The following AGMO variants were observed in gnomAD, a reference collection of about 807,000 sequenced individuals.
The protein encoded by AGMO is glyceryl-ether monooxygenase.
A neutral mutation model predicts 60.2 loss-of-function variants in AGMO; 75 were observed. The observed-to-expected ratio is 1.25, with a 90% CI of 1.03 to 1.51. AGMO has a LOEUF of 1.51. AGMO is among the 40% of genes most tolerant of loss of function. The probability of loss-of-function intolerance (pLI) is 0.00; values close to 1 mark genes in which losing one functional copy is unlikely to be tolerated. For missense variants in AGMO, 763 were observed against 525.5 expected (o/e 1.45, Z -4.42); for synonymous variants, 261 against 177.1 (o/e 1.47, Z -3.76).
intron 12 of AGMO, among the ~76,000 whole-genome samples, chr7:15,264,985 C>A (rs1057411432): frequency 6.6e-6 from 1 of 151,944 alleles, no homozygotes; most frequent in African/African-American, 2.4e-5. Context: ...TGCACTCTTA[C>A]GTTCATTGCA....
intron 5 of AGMO, among the ~76,000 whole-genome samples, chr7:15,414,020 T>C (rs1183391343): frequency 6.6e-6 from 1 of 152,112 alleles, no homozygotes; most frequent in Non-Finnish European, 1.5e-5. Flanking sequence ...TTTTTTATTA[T>C]TTTTTTAGAC....
At chr7:15,228,565 A>G (rs1038974357) in intron 12 of AGMO, among the ~76,000 whole-genome samples, 1 of 152,174 alleles carries the variant, frequency 6.6e-6, no homozygotes, top group Non-Finnish European at 1.5e-5. Flanking sequence ...AGAATCACAT[A>G]TTGCAAATGC....
chr7:15,388,156 C>T (rs1784000801), intron 8 of AGMO, among the ~76,000 whole-genome samples: 1 of 151,996 alleles, frequency 6.6e-6, no homozygotes, highest in Non-Finnish European at 1.5e-5. Flanking sequence ...ATGAGTTGAA[C>T]CATTAAGATT....
chr7:15,461,682 G>C (rs1782146363), intron 3 of AGMO, among the ~76,000 whole-genome samples: 1 of 152,060 alleles, frequency 6.6e-6, no homozygotes, highest in Non-Finnish European at 1.5e-5. Flanking sequence ...TGGGAGATCA[G>C]AAGGAAAGCA....
intron 2 of AGMO, among the ~76,000 whole-genome samples, chr7:15,558,176 A>C (rs1785201513): frequency 6.6e-6 from 1 of 152,036 alleles, no homozygotes; most frequent in Admixed American, 6.6e-5. Context: ...TGGTACTTAC[A>C]ATGTTATGAT....
At chr7:15,547,327 A>G (rs143641984) in intron 2 of AGMO, among the ~76,000 whole-genome samples, 1,903 of 152,238 alleles carry the variant, frequency 0.013, 26 homozygotes, top group African/African-American at 0.043. Flanking sequence ...AGATGGCCAA[A>G]TAGGAACAGC....
At position 15,282,955 on chromosome 7, in the gene AGMO, A is replaced by C. The variant is rs143737505; in HGVS notation, c.1264-81596T>G. Among the ~76,000 whole-genome samples the C allele has an allele frequency of 7.9e-3, 1,207 of 152,304 alleles. 19 individuals carry two copies. Among genetic ancestry groups the C allele is most frequent in the African/African-American group, 0.027 (1,137 of 41,566 alleles). ...TATCTTTAGCTTCCTTAAATAGAAT[A>C]ACTGTCAGTTAAGAATTCTGTATTC... is the stretch of plus-strand genomic sequence containing the variant. On this transcript the variant is annotated intron_variant, in intron 12 of 12. Transcript: ENST00000342526.
At chr7:15,184,033 GGA>G in the AGMO span, among the ~76,000 whole-genome samples, 1 of 151,876 alleles carries the variant, frequency 6.6e-6, no homozygotes, top group Non-Finnish European at 1.5e-5. Context: ...ATATCTCCTG[GGA>G]AAGCACCCTT....
At chr7:15,465,619 T>C (rs1199290734) in intron 3 of AGMO, among the ~76,000 whole-genome samples, 2 of 142,026 alleles carry the variant, frequency 1.4e-5, no homozygotes, top group Non-Finnish European at 3.1e-5. Flanking sequence ...ATATATATGA[T>C]TTTTTTTTTA....
At chr7:15,161,952 G>A in the AGMO span, among the ~76,000 whole-genome samples, 4 of 152,158 alleles carry the variant, frequency 2.6e-5, no homozygotes, top group Admixed American at 2.0e-4. Flanking sequence ...TCGTCTCAGT[G>A]TCTCCACCCA....
intron 12 of AGMO, among the ~76,000 whole-genome samples, chr7:15,318,134 T>G (rs1427689630): frequency 2.6e-5 from 4 of 151,712 alleles, no homozygotes; most frequent in Non-Finnish European, 5.9e-5. Flanking sequence ...GCCTCCCAAG[T>G]AGCTGGAATT....
chr7:15,306,751 G>A (rs151153768), intron 12 of AGMO, among the ~76,000 whole-genome samples: 161 of 152,034 alleles, frequency 1.1e-3, no homozygotes, highest in African/African-American at 3.8e-3. Flanking sequence ...ATAGGCTGAG[G>A]AATATGTCCC....
At chr7:15,390,598 G>C (rs1784097298) in intron 8 of AGMO, 73 bp downstream of exon 8, 2 of 1,217,244 alleles carry the variant, frequency 1.6e-6, no homozygotes, top group East Asian at 2.4e-5. Flanking sequence ...CTTTTCTACA[G>C]CTGATTTTTC....
At chr7:15,160,170 G>A in the AGMO span, among the ~76,000 whole-genome samples, 1 of 152,100 alleles carries the variant, frequency 6.6e-6, no homozygotes, top group African/African-American at 2.4e-5. Flanking sequence ...AACTTCAAGG[G>A]GATTGATCAC....
chr7:15,552,214 A>T (rs1244404937), intron 2 of AGMO, among the ~76,000 whole-genome samples: 4 of 152,166 alleles, frequency 2.6e-5, no homozygotes, highest in African/African-American at 9.7e-5. Context: ...AACCATAAAA[A>T]CCCTAGAAGA....
At chr7:15,528,927 C>A (rs973857240) in intron 3 of AGMO, among the ~76,000 whole-genome samples, 1 of 152,136 alleles carries the variant, frequency 6.6e-6, no homozygotes, top group African/African-American at 2.4e-5. Context: ...GGATTAGAGG[C>A]ATGAGACACC....
intron 12 of AGMO, among the ~76,000 whole-genome samples, chr7:15,220,010 T>C (rs1781868562): frequency 6.6e-6 from 1 of 152,130 alleles, no homozygotes; most frequent in South Asian, 2.1e-4. Flanking sequence ...ATCCCACTTC[T>C]TAAAATCCCA....
chr7:15,222,105 A>AT (rs1781941704), intron 12 of AGMO, among the ~76,000 whole-genome samples: 1 of 152,136 alleles, frequency 6.6e-6, no homozygotes, highest in East Asian at 1.9e-4. Flanking sequence ...ATAAAGCAAG[A>AT]TGTAAGCTTC....
Position 15,560,389 on chromosome 7 carries a change from G to T in AGMO, c.127-118C>A, listed in dbSNP as rs556250684. On this transcript the variant is annotated intron_variant, in intron 1 of 12. Transcript: ENST00000342526. ...AGATTTGGGAAGCCCTGCAGGAGAT[G>T]GTAGACACTCATTTTAGAGGATTAC... is the stretch of plus-strand genomic sequence containing the variant. 4 of 1,012,144 alleles carry T rather than the reference G, an allele frequency of 4.0e-6. No homozygotes were observed. In the African/African-American group the frequency reaches 4.9e-5, roughly 12 times the overall value. The allele number at this position is 1,012,144 out of a possible 1,614,324, so 62.7% of individuals were successfully genotyped here. A position where few individuals can be genotyped will look rare whatever the true frequency, so the allele number is the denominator to read the frequency against.
Sources: gnomAD v4.1 joint callset for allele counts (sites outside exome capture counted in the v4.1 genomes callset) on GRCh38, gnomAD v4.1.1 for gene constraint, MANE v1.5 for transcripts, NCBI Gene and HGNC (gene_info 2026-07-23, HGNC 2026-07-21) for gene names.